The following WDR25 variants were observed in gnomAD, a reference collection of about 807,000 sequenced individuals.
WDR25 encodes WD repeat domain 25.
Under a neutral mutation model 47.7 loss-of-function variants are expected in WDR25, and 35 were observed. The ratio of observed to expected loss-of-function variants is 0.73; its 90% confidence interval spans 0.56 to 0.97. WDR25 has a LOEUF of 0.97. WDR25 is among the 50% of genes least tolerant of loss of function. The pLI, the probability that WDR25 is intolerant of heterozygous loss-of-function variation, is 0.00. For missense variants in WDR25, 634 were observed against 704.7 expected (o/e 0.90, Z 1.14); for synonymous variants, 248 against 278.9 (o/e 0.89, Z 1.10).
chr14:100,436,687 T>C (rs564498225), intron 2 of WDR25, among the ~76,000 whole-genome samples: 1 of 152,316 alleles, frequency 6.6e-6, no homozygotes, highest in East Asian at 1.9e-4. Context: ...GTCCTGTGTG[T>C]CAGTCTCCTG....
chr14:100,401,504 C>T (rs1474477634), intron 2 of WDR25, among the ~76,000 whole-genome samples: 7 of 152,190 alleles, frequency 4.6e-5, no homozygotes, highest in Non-Finnish European at 5.9e-5. Context: ...AAGTCCTTGC[C>T]GTTCAGGGCT....
chr14:100,529,497 T>C lies in WDR25; in HGVS notation c.1413+289T>C, dbSNP rs1289383954. 3.4e-6 allele frequency: 2 copies of C among 592,332 alleles called. No individual in the cohort carries two copies. The highest frequency in any genetic ancestry group is 1.9e-5 in the African/African-American group (1 of 53,676). The allele number at this position is 592,332 out of a possible 1,614,324, so 36.7% of individuals were successfully genotyped here. A position where few individuals can be genotyped will look rare whatever the true frequency, so the allele number is the denominator to read the frequency against. ...ACAAAATGGTCATGGGTGTCATTTC[T>C]GCATCCTTCCCTTTCCTCACTGAGG... is the stretch of plus-strand genomic sequence containing the variant. On this transcript the variant is annotated intron_variant, in intron 6 of 6. Coordinates refer to ENST00000402312, the MANE Select transcript of WDR25 (RefSeq NM_001161476.3). The surrounding 1 kb of genome is among the most constrained non-coding windows in gnomAD (Gnocchi z 5.1).
chr14:100,423,882 G>A (rs1290054084), intron 2 of WDR25, among the ~76,000 whole-genome samples: 5 of 152,224 alleles, frequency 3.3e-5, no homozygotes, highest in Admixed American at 2.6e-4. Context: ...TACTTTTCTG[G>A]ATTGTGTGGG....
intron 2 of WDR25, among the ~76,000 whole-genome samples, chr14:100,402,402 C>A (rs1344632878): frequency 6.6e-6 from 1 of 151,826 alleles, no homozygotes; most frequent in Non-Finnish European, 1.5e-5. Flanking sequence ...TCAAAAAATT[C>A]CCTTGGCTTT....
rs1225462022 is a variant in WDR25, at chr14:100,449,656, G to GC, written c.823-18360dup. Among the ~76,000 whole-genome samples, 2 of 152,200 alleles carry GC rather than the reference G, an allele frequency of 1.3e-5. No individual in the cohort carries two copies. The highest frequency in any genetic ancestry group is 2.4e-5 in the African/African-American group (1 of 41,454). Reference sequence around the variant, plus strand: ...ACTAAATCAGGTGATGCTTCCAGGAGCCCCCACTCAGTAACTGCTGAGAGC... The same window carrying GC: ...ACTAAATCAGGTGATGCTTCCAGGAGCCCCCCACTCAGTAACTGCTGAGAGC... On this transcript the variant is annotated intron_variant, in intron 2 of 6. Coordinates refer to ENST00000402312, the MANE Select transcript of WDR25 (RefSeq NM_001161476.3). The surrounding 1 kb of genome is among the most constrained non-coding windows in gnomAD (Gnocchi z 4.2).
intron 1 of WDR25, 99 bp downstream of exon 1, chr14:100,376,594 G>C: frequency 8.1e-7 from 1 of 1,231,930 alleles, no homozygotes; most frequent in Non-Finnish European, 1.0e-6. Flanking sequence ...ATAGCCGCTC[G>C]CCTTCCTTTC....
intron 2 of WDR25, among the ~76,000 whole-genome samples, chr14:100,445,844 A>G (rs1462302892): frequency 6.6e-6 from 1 of 152,222 alleles, no homozygotes; most frequent in Non-Finnish European, 1.5e-5. Context: ...CCATCCTTTC[A>G]GAGCCCATTT....
At chr14:100,465,775 A>G (rs1358395307) in intron 2 of WDR25, among the ~76,000 whole-genome samples, 2 of 152,170 alleles carry the variant, frequency 1.3e-5, no homozygotes, top group Non-Finnish European at 2.9e-5. Context: ...TTTTTGAGGA[A>G]CCATCATGCT....
At chr14:100,426,861 C>A (rs1898184617) in intron 2 of WDR25, among the ~76,000 whole-genome samples, 1 of 152,208 alleles carries the variant, frequency 6.6e-6, no homozygotes, top group African/African-American at 2.4e-5. Context: ...GCTGCCCTGC[C>A]ATTAGCTATC....
intron 2 of WDR25, among the ~76,000 whole-genome samples, chr14:100,386,250 C>A (rs543117285): frequency 2.6e-5 from 4 of 152,292 alleles, no homozygotes; most frequent in African/African-American, 9.6e-5. Context: ...AAACAGAAAT[C>A]ATTGATAACT....
chr14:100,424,973 A>G lies in WDR25; in HGVS notation c.823-43048A>G, dbSNP rs750504496. Among the ~76,000 whole-genome samples, 1 of 152,068 alleles carries G rather than the reference A, an allele frequency of 6.6e-6. No individual in the cohort carries two copies. The highest frequency in any genetic ancestry group is 2.4e-5 in the African/African-American group (1 of 41,390). The stretch of plus-strand genomic sequence containing the variant: ...CAGTCACACAGCTCGTGGCTTCCCC[A>G]TGAAGCATCTCTTGGGTCTGTCTGT... On this transcript the variant is annotated intron_variant, in intron 2 of 6. Coordinates refer to ENST00000402312, the MANE Select transcript of WDR25 (RefSeq NM_001161476.3). This position sits in a 1 kb window ranked among gnomAD's most constrained non-coding sequence, Gnocchi z 4.2.
At chr14:100,519,880 G>A (rs1403637575) in intron 4 of WDR25, among the ~76,000 whole-genome samples, 40 of 129,844 alleles carry the variant, frequency 3.1e-4, no homozygotes, top group Non-Finnish European at 9.4e-5. Flanking sequence ...TACACTATAT[G>A]TATATATGTA....
intron 3 of WDR25, among the ~76,000 whole-genome samples, chr14:100,476,878 C>T (rs2140309272): frequency 6.6e-6 from 1 of 152,296 alleles, no homozygotes; most frequent in Middle Eastern, 3.4e-3. Context: ...TCTTTTCTCT[C>T]CTGGAGACCC....
intron 2 of WDR25, among the ~76,000 whole-genome samples, chr14:100,387,732 C>A (rs1897050137): frequency 1.3e-5 from 2 of 152,224 alleles, no homozygotes; most frequent in African/African-American, 4.8e-5. Flanking sequence ...GACTCAGAGC[C>A]TGAGCAGAAA....
intron 2 of WDR25, among the ~76,000 whole-genome samples, chr14:100,450,024 G>A (rs1411292617): frequency 1.3e-5 from 2 of 152,138 alleles, no homozygotes; most frequent in Non-Finnish European, 2.9e-5. Context: ...TCCCCTCTGC[G>A]CACCCTCTTC....
At position 100,529,800 on chromosome 14, in the gene WDR25, C is replaced by T; in HGVS notation, c.1414-20C>T. 6.2e-7 allele frequency: 1 copy of T among 1,607,290 alleles called. No individual in the cohort carries two copies. Among genetic ancestry groups the T allele is most frequent in the Non-Finnish European group, 8.5e-7 (1 of 1,177,660 alleles). On this transcript the variant is annotated intron_variant, in intron 6 of 6. Coordinates refer to ENST00000402312, the MANE Select transcript of WDR25 (RefSeq NM_001161476.3). This position sits in a 1 kb window ranked among gnomAD's most constrained non-coding sequence, Gnocchi z 5.1. ...GCTTGACAGGTGCGGCTTGCTCACC[C>T]ACTGTGTCCCTCTCTGCAGGTGGAG...
rs1382903531 is a variant in WDR25 at position 100,440,627 on chromosome 14, C to T, written c.823-27394C>T. 6.6e-6 allele frequency among the ~76,000 whole-genome samples: 1 copy of T among 152,256 alleles called. No homozygotes were observed. Among genetic ancestry groups the T allele is most frequent in the Non-Finnish European group, 1.5e-5 (1 of 68,040 alleles). Reference sequence around the variant, plus strand: ...GGCTGCCCTGGCTGCTATACGCATCCTTCCAGGCAACCTTCACCTTCTGGT... The same window carrying T: ...GGCTGCCCTGGCTGCTATACGCATCTTTCCAGGCAACCTTCACCTTCTGGT... On this transcript the variant is annotated intron_variant, in intron 2 of 6. Coordinates refer to ENST00000402312, the MANE Select transcript of WDR25 (RefSeq NM_001161476.3). This position sits in a 1 kb window ranked among gnomAD's most constrained non-coding sequence, Gnocchi z 4.4.
At chr14:100,491,245 C>G (rs1595142236) in intron 4 of WDR25, among the ~76,000 whole-genome samples, 1 of 152,216 alleles carries the variant, frequency 6.6e-6, no homozygotes, top group Non-Finnish European at 1.5e-5. Context: ...CTCGGAAGGG[C>G]TCAGTTACAC....
At chr14:100,385,310 T>C (rs1325253292) in intron 2 of WDR25, among the ~76,000 whole-genome samples, 1 of 152,192 alleles carries the variant, frequency 6.6e-6, no homozygotes, top group Admixed American at 6.5e-5. Flanking sequence ...AGTGGATAAA[T>C]CATATTCGCC....
Sources: allele counts gnomAD v4.1 joint callset (sites outside exome capture counted in the v4.1 genomes callset), GRCh38; gene constraint gnomAD v4.1.1; non-coding constraint Gnocchi (gnomAD v3.1); transcripts MANE v1.5; gene names NCBI Gene and HGNC (gene_info 2026-07-23, HGNC 2026-07-21).